EPC2: variants seen among roughly 807,000 people sequenced by gnomAD.
EPC2 encodes the protein enhancer of polycomb 2.
A neutral mutation model predicts 92.1 loss-of-function variants in EPC2; 14 were observed. The ratio of observed to expected loss-of-function variants is 0.15; its 90% CI spans 0.10 to 0.24. The LOEUF is 0.24. Ranked by LOEUF, EPC2 falls within the 10% of genes least tolerant of loss-of-function variation. The pLI, the probability that EPC2 is intolerant of heterozygous loss-of-function variation, is 1.00. For synonymous variants in EPC2, 340 were observed against 334.7 expected (o/e 1.02, Z -0.17); for missense variants, 755 against 971.5 (o/e 0.78, Z 2.96).
At chr2:148,702,536 TC>T (rs765450631) in intron 2 of EPC2, among the ~76,000 whole-genome samples, 1 of 152,214 alleles carries the variant, frequency 6.6e-6, no homozygotes, top group Non-Finnish European at 1.5e-5. Flanking sequence ...AATCTGAACT[TC>T]TAACAAATTC....
intron 1 of EPC2, among the ~76,000 whole-genome samples, chr2:148,671,348 T>C (rs1312208880): frequency 2.7e-5 from 4 of 150,080 alleles, no homozygotes; most frequent in Non-Finnish European, 5.9e-5. Flanking sequence ...GCATGATGGC[T>C]CATGCCTGTA....
At chr2:148,729,298 A>G (rs183127259) in intron 2 of EPC2, among the ~76,000 whole-genome samples, 1 of 152,294 alleles carries the variant, frequency 6.6e-6, no homozygotes, top group Admixed American at 6.5e-5. Flanking sequence ...GTGAAAAATT[A>G]CATACCTCAG....
At chr2:148,757,277 G>A (rs1250589695) in intron 4 of EPC2, among the ~76,000 whole-genome samples, 3 of 152,310 alleles carry the variant, frequency 2.0e-5, no homozygotes, top group South Asian at 2.1e-4. Flanking sequence ...TCGGGAGGCT[G>A]AGGCATGAGA....
chr2:148,676,581 C>G (rs1007925111), intron 1 of EPC2, among the ~76,000 whole-genome samples: 1 of 151,742 alleles, frequency 6.6e-6, no homozygotes, highest in Non-Finnish European at 1.5e-5. Context: ...CATCTAGGCT[C>G]CTTTCTCTAC....
At chr2:148,769,681 A>G (rs1558835433) in intron 8 of EPC2, among the ~76,000 whole-genome samples, 1 of 152,158 alleles carries the variant, frequency 6.6e-6, no homozygotes, top group Non-Finnish European at 1.5e-5. Context: ...TACTTCCATA[A>G]TGGCAATGTT....
intron 2 of EPC2, among the ~76,000 whole-genome samples, chr2:148,728,768 C>A (rs1464634321): frequency 6.6e-6 from 1 of 150,770 alleles, no homozygotes; most frequent in Non-Finnish European, 1.5e-5. Flanking sequence ...CACGGTAGCT[C>A]ACGCCTGTAA....
At chr2:148,759,635 A>AG in intron 4 of EPC2, among the ~76,000 whole-genome samples, 1 of 152,100 alleles carries the variant, frequency 6.6e-6, no homozygotes. Flanking sequence ...ATAGGGATAA[A>AG]GGGGCATTTT....
chr2:148,774,202 G>A (rs1683578705), intron 10 of EPC2, among the ~76,000 whole-genome samples: 1 of 152,114 alleles, frequency 6.6e-6, no homozygotes, highest in Admixed American at 6.5e-5. Flanking sequence ...CAGTTCCTTA[G>A]TTCTTAAACA....
At chr2:148,671,286 G>GTTTTTTT (rs369058386) in intron 1 of EPC2, among the ~76,000 whole-genome samples, 52 of 130,582 alleles carry the variant, frequency 4.0e-4, no homozygotes, top group African/African-American at 1.2e-3. Flanking sequence ...TGTGGATTGT[G>GTTTTTTT]ATTTTTTTTT....
chr2:148,654,474 A>G (rs1680749318), intron 1 of EPC2, among the ~76,000 whole-genome samples: 1 of 152,152 alleles, frequency 6.6e-6, no homozygotes, highest in Non-Finnish European at 1.5e-5. Context: ...CTTGGGCAAC[A>G]TAGTATGGCT....
Position 148,721,890 on chromosome 2 carries a change from C to CTTTTTT in EPC2, c.314-21720_314-21715dup. Among the ~76,000 whole-genome samples the CTTTTTT allele has an allele frequency of 1.7e-3, 101 of 60,756 alleles. 6 individuals carry two copies. The highest frequency in any genetic ancestry group is 7.3e-3 in the South Asian group (9 of 1,226). The allele number at this position is 60,756 out of a possible 152,430, so 39.9% of individuals were successfully genotyped here. A position where few individuals can be genotyped will look rare whatever the true frequency, so the allele number is the denominator to read the frequency against. ...TTTGTTTCTTTTTCTGTTTTGATTT[C>CTTTTTT]TTTTTTTTTTTTTTTTTCAGAATTC... On this transcript the variant is annotated intron_variant, in intron 2 of 13. Transcript: ENST00000258484.
intron 10 of EPC2, among the ~76,000 whole-genome samples, chr2:148,772,976 T>G (rs1683556033): frequency 6.6e-6 from 1 of 152,150 alleles, no homozygotes; most frequent in Non-Finnish European, 1.5e-5. Context: ...ATAGGCTGAT[T>G]GTCTTCTCTG....
intron 2 of EPC2, among the ~76,000 whole-genome samples, chr2:148,733,259 C>T (rs184674102): frequency 6.6e-6 from 1 of 151,730 alleles, no homozygotes; most frequent in African/African-American, 2.4e-5. Context: ...ATTGTACTTC[C>T]TTAGTAGCCT....
chr2:148,734,460 C>T (rs1419442211), intron 2 of EPC2, among the ~76,000 whole-genome samples: 1 of 151,784 alleles, frequency 6.6e-6, no homozygotes, highest in South Asian at 2.1e-4. Context: ...CTGTATACAA[C>T]GATTATTAAG....
At chr2:148,684,992 G>A (rs1249365271) in intron 1 of EPC2, among the ~76,000 whole-genome samples, 1 of 152,030 alleles carries the variant, frequency 6.6e-6, no homozygotes, top group Non-Finnish European at 1.5e-5. Flanking sequence ...TAATGAATTT[G>A]CACATCTCTT....
At chr2:148,705,868 G>A (rs1434663765) in intron 2 of EPC2, among the ~76,000 whole-genome samples, 1 of 152,144 alleles carries the variant, frequency 6.6e-6, no homozygotes, top group Admixed American at 6.5e-5. Context: ...AAGACCAAAG[G>A]TAGATAAAAC....
chr2:148,732,821 A>G (rs1322676106), intron 2 of EPC2, among the ~76,000 whole-genome samples: 2 of 152,094 alleles, frequency 1.3e-5, no homozygotes, highest in Non-Finnish European at 2.9e-5. Flanking sequence ...GTATTTTTGT[A>G]TGCAATTTTG....
At chr2:148,752,241 A>AAAT (rs1469012971) in intron 3 of EPC2, among the ~76,000 whole-genome samples, 5 of 151,990 alleles carry the variant, frequency 3.3e-5, no homozygotes, top group Admixed American at 6.5e-5. Flanking sequence ...ATCAGAAGTG[A>AAAT]AATGATCAAG....
chr2:148,647,619 C>CTTTTT (rs55731814), intron 1 of EPC2, among the ~76,000 whole-genome samples: 12 of 63,742 alleles, frequency 1.9e-4, no homozygotes, highest in African/African-American at 6.4e-4. Flanking sequence ...GCCTTGCAGA[C>CTTTTT]TTTTTTTTTT....
Sources: allele counts gnomAD v4.1 joint callset (sites outside exome capture counted in the v4.1 genomes callset), GRCh38; gene constraint gnomAD v4.1.1; transcripts MANE v1.5; gene names NCBI Gene and HGNC (gene_info 2026-07-23, HGNC 2026-07-21).